The following DNAH17 variants were observed in gnomAD, a reference collection of about 807,000 sequenced individuals.
DNAH17 encodes the protein axonemal beta dynein heavy chain 17.
A neutral mutation model predicts 485.6 loss-of-function variants in DNAH17; 376 were observed. The observed-to-expected ratio is 0.77, with a 90% CI of 0.71 to 0.84. The LOEUF is 0.84. DNAH17 is among the 40% of genes least tolerant of loss of function. The pLI is 0.00. For synonymous variants in DNAH17, 3,031 were observed against 2,405.9 expected (o/e 1.26, Z -7.60); for missense variants, 6,370 against 5,839.3 (o/e 1.09, Z -2.96).
Position 78,504,560 on chromosome 17 carries a change from A to AT in DNAH17, c.4956+732dup, listed in dbSNP as rs201292801. On this transcript the variant is annotated intron_variant, in intron 31 of 80. Transcript: ENST00000389840. Reference sequence around the variant, plus strand: ...TCTTTGAACCTCAGGTTTTCTCGAGATTTTTTTTTCTTCTTCCTACAACTG... The same window carrying AT: ...TCTTTGAACCTCAGGTTTTCTCGAGATTTTTTTTTTCTTCTTCCTACAACTG... Among the ~76,000 whole-genome samples, 886 of 147,296 alleles carry AT rather than the reference A, an allele frequency of 6.0e-3. 14 individuals carry two copies. The highest frequency in any genetic ancestry group is 0.028 in the East Asian group (140 of 5,016).
rs74679299 is a variant in DNAH17 at position 78,429,187 on chromosome 17, C to T, written c.12339G>A (p.Thr4113=). Residue 4113 remains threonine (T), a synonymous_variant, in exon 76 of 81, where the codon ACG becomes ACA. Transcript: ENST00000389840. The part of the protein sequence containing the change: ...CRTYLAEYIR[T]EMLEGDVLLA... ...GCAGGACGTCTCCCTCCAGCATCTC[C>T]GTCCGGATGTATTCAGCCAGGTAGG... 3.2e-3 allele frequency: 5,238 copies of T among 1,613,796 alleles called. 92 individuals carry two copies. In the African/African-American group the frequency reaches 0.046, roughly 14 times the overall value.
intron 66 of DNAH17, 63 bp from the exon 67 acceptor site, chr17:78,450,909 C>G: frequency 2.5e-6 from 4 of 1,584,960 alleles, no homozygotes; most frequent in Non-Finnish European, 3.4e-6. Flanking sequence ...ACCCGGGCCT[C>G]CCTCAGGTGG....
intron 78 of DNAH17, 120 bp downstream of exon 78, chr17:78,426,806 G>C: frequency 7.5e-7 from 1 of 1,331,234 alleles, no homozygotes; most frequent in Non-Finnish European, 1.0e-6. Flanking sequence ...CAGAGCTCTG[G>C]AGAGGGAGCA....
In DNAH17 at chr17:78,461,561, C is replaced by T. The variant is rs36082924; in HGVS notation, c.9322G>A (p.Val3108Ile). 7.6e-4 allele frequency: 1,213 copies of T among 1,598,158 alleles called. 6 individuals carry two copies. The African/African-American group carries it at 0.014, about 19-fold the overall frequency. The change falls in exon 58 of 81, where the codon GTC becomes ATC. Residue 3108 changes from valine (V) to isoleucine (I), a missense_variant. By Grantham distance (29) the Val-to-Ile change is conservative (BLOSUM62 3). Coordinates refer to ENST00000389840, the MANE Select transcript of DNAH17 (RefSeq NM_173628.4). ...TCACCTACCTTATTGATGACCTCGACCTTGACTTCTTCCTGGTCAGCAATG... is the reference window on the plus strand; with the variant it reads ...TCACCTACCTTATTGATGACCTCGATCTTGACTTCTTCCTGGTCAGCAATG... Reference protein sequence around the residue: ...KAIADQEEVKVEVINKNVTEK... With the variant: ...KAIADQEEVKIEVINKNVTEK...
In DNAH17 at chr17:78,424,129, C is replaced by T; in HGVS notation, c.13166G>A (p.Gly4389Glu). The T allele has an allele frequency of 1.2e-6, 2 of 1,612,840 alleles. No individual in the cohort carries two copies. The highest frequency in any genetic ancestry group is 1.1e-5 in the South Asian group (1 of 91,064). The change falls in exon 81 of 81, where the codon GGA (glycine) becomes GAA (glutamate). Residue 4389 changes from glycine (G) to glutamate (E), a missense_variant. Physicochemically the swap from Gly to Glu is moderately conservative, Grantham distance 98. Transcript: ENST00000389840. Reference sequence around the variant, plus strand: ...TTTCAGCCGCGCTTCAGCGATGACTCCAGTCTGGGTGTCCCAGCGAGCCCC... The same window carrying T: ...TTTCAGCCGCGCTTCAGCGATGACTTCAGTCTGGGTGTCCCAGCGAGCCCC... ...MEGARWDTQT[G>E]VIAEARLKEL...
intron 72 of DNAH17, among the ~76,000 whole-genome samples, chr17:78,440,244 CTTTTTTTTTTTTTT>C (rs71160296): frequency 1.7e-4 from 7 of 40,342 alleles, no homozygotes; most frequent in Admixed American, 1.3e-3. Context: ...CGACTTCATG[CTTTTTTTTTTTTTT>C]TTTTTTTTTT....
At chr17:78,493,531 A>G (rs2089949131) in intron 41 of DNAH17, among the ~76,000 whole-genome samples, 1 of 152,240 alleles carries the variant, frequency 6.6e-6, no homozygotes, top group African/African-American at 2.4e-5. Context: ...TCTGCCTTTT[A>G]AAACATCACT....
At chr17:78,554,802 A>G (rs951039078) in intron 14 of DNAH17, among the ~76,000 whole-genome samples, 1 of 152,160 alleles carries the variant, frequency 6.6e-6, no homozygotes, top group Admixed American at 6.6e-5. Context: ...GCTGGAGTGC[A>G]GTGGCGTGAT....
At chr17:78,510,546 T>C (rs748994626) in intron 26 of DNAH17, 40 bp from the exon 27 acceptor site, 34 of 1,610,076 alleles carry the variant, frequency 2.1e-5, no homozygotes, top group Non-Finnish European at 2.9e-5. Flanking sequence ...TTTCAGGTCA[T>C]GTGCACTCTG....
At chr17:78,430,242 G>C (rs1240766830) in intron 75 of DNAH17, among the ~76,000 whole-genome samples, 27 of 152,078 alleles carry the variant, frequency 1.8e-4, no homozygotes, top group Non-Finnish European at 2.9e-5. Flanking sequence ...CACGGATTGA[G>C]GCCACATGTG....
chr17:78,484,949 T>A lies in DNAH17; in HGVS notation c.7568A>T (p.Asp2523Val). ...GTKKLVYFID[D>V]MNMPEVDKYG... ...CTTGTCCACCTCGGGCATGTTCATG[T>A]CGTCGATGAAGTAGACGAGCTTCTT... The change falls in exon 48 of 81, where the codon GAC becomes GTC. Residue 2523 changes from aspartate (D) to valine (V), a missense_variant. Coordinates refer to ENST00000389840, the MANE Select transcript of DNAH17 (RefSeq NM_173628.4). 2 of 1,612,400 alleles carry A rather than the reference T, an allele frequency of 1.2e-6. No homozygotes were observed. Among genetic ancestry groups the A allele is most frequent in the Non-Finnish European group, 1.7e-6 (2 of 1,179,192 alleles).
At chr17:78,493,016 A>C (rs1445660808) in intron 41 of DNAH17, 1 of 316,956 alleles carries the variant, frequency 3.2e-6, no homozygotes, top group Admixed American at 4.6e-5. Flanking sequence ...ACACCCGGCT[A>C]ATTTTTGTAC....
chr17:78,562,992 C>G (rs576420237), intron 11 of DNAH17, among the ~76,000 whole-genome samples: 2 of 152,318 alleles, frequency 1.3e-5, no homozygotes, highest in South Asian at 4.1e-4. Flanking sequence ...TGCGGTGAGC[C>G]TGAGTCTCAG....
At position 78,507,314 on chromosome 17, in the gene DNAH17, G is replaced by T; in HGVS notation, c.4640C>A (p.Pro1547His). ...GGCCTCCAGTTTATTGTAGAGGCCG[G>T]GTTTGCTGGTGGCTTCCACCACGTT... The part of the protein sequence containing the change: ...TPNVVEATSK[P>H]GLYNKLEALK... Residue 1547 changes from proline (P) to histidine (H), a missense_variant, in exon 29 of 81, where the codon CCC becomes CAC. Pro to His is a moderately conservative substitution (Grantham distance 77). Transcript: ENST00000389840. 1 of 1,614,008 alleles carries T rather than the reference G, an allele frequency of 6.2e-7. No homozygotes were observed. The highest frequency in any genetic ancestry group is 8.5e-7 in the Non-Finnish European group (1 of 1,179,894).
chr17:78,501,916 C>G, intron 33 of DNAH17, 43 bp from the exon 34 acceptor site: 1 of 1,611,016 alleles, frequency 6.2e-7, no homozygotes, highest in Non-Finnish European at 8.5e-7. Flanking sequence ...CGGGTGCCCA[C>G]ATGCACTGGG....
At chr17:78,554,434 CTCAAAAA>C (rs2091974411) in intron 14 of DNAH17, among the ~76,000 whole-genome samples, 1 of 38,862 alleles carries the variant, frequency 2.6e-5, no homozygotes, top group Admixed American at 5.0e-4. Flanking sequence ...GAGACTCTGT[CTCAAAAA>C]AAAAAAAAAA....
At position 78,476,490 on chromosome 17, in the gene DNAH17, C is replaced by A. The variant is rs2089031046; in HGVS notation, c.8154+82G>T. On this transcript the variant is annotated intron_variant, in intron 52 of 80. Transcript: ENST00000389840. ...CCAACAAAGGGCCCTTCTGAGAGGG[C>A]TGCAGTTCTCATTGGCCGCCGACAC... 5 of 1,475,372 alleles carry A rather than the reference C, an allele frequency of 3.4e-6. No individual in the cohort carries two copies. In the East Asian group the frequency reaches 7.3e-5, roughly 22 times the overall value. The allele number at this position is 1,475,372 out of a possible 1,614,324, so 91.4% of individuals were successfully genotyped here.
chr17:78,480,700 ATGG>A lies in DNAH17; in HGVS notation c.7733_7735del (p.Thr2578del). 1 of 1,613,678 alleles carries A rather than the reference ATGG, an allele frequency of 6.2e-7. No individual in the cohort carries two copies. Among genetic ancestry groups the A allele is most frequent in the Non-Finnish European group, 8.5e-7 (1 of 1,179,762 alleles). On this transcript the variant is annotated inframe_deletion, in exon 49 of 81. Coordinates refer to ENST00000389840, the MANE Select transcript of DNAH17 (RefSeq NM_173628.4). ...TCTGCTTACCTGAAGCCTGGAGTCG[ATGG>A]TGAAGGATCCGGAAGTGGGGTTCAT... is the stretch of plus-strand genomic sequence containing the variant.
chr17:78,484,739 A>ACCCCCCTTCCCCC, intron 48 of DNAH17, 129 bp downstream of exon 48: 1 of 347,798 alleles, frequency 2.9e-6, no homozygotes, highest in South Asian at 4.2e-5. Flanking sequence ...ACGTTGCAGC[A>ACCCCCCTTCCCCC]CCCCCCCCAC....
Sources: gnomAD v4.1 joint callset for allele counts (sites outside exome capture counted in the v4.1 genomes callset) on GRCh38, gnomAD v4.1.1 for gene constraint, MANE v1.5 for transcripts, NCBI Gene and HGNC (gene_info 2026-07-23, HGNC 2026-07-21) for gene names.